Variants in GPC5 observed in about 807,000 individuals in gnomAD.
GPC5 encodes the protein glypican 5.
GPC5 carries 47 observed loss-of-function variants against 53.9 expected under a neutral mutation model. The ratio of observed to expected loss-of-function variants is 0.87; its 90% CI spans 0.69 to 1.11. The LOEUF (loss-of-function observed/expected upper bound fraction) is 1.11, where lower values mean the gene tolerates loss of function less well. Ranked by LOEUF, GPC5 falls within the 50% of genes most tolerant of loss-of-function variation. GPC5 has a pLI of 0.00. For synonymous variants in GPC5, 286 were observed against 263.3 expected (o/e 1.09, Z -0.84); for missense variants, 748 against 713.1 (o/e 1.05, Z -0.56).
In GPC5 at chr13:91,777,725, AT is replaced by A. The variant is rs35187283; in HGVS notation, c.1280+21314del. Among the ~76,000 whole-genome samples the A allele has an allele frequency of 1.5e-3, 225 of 151,364 alleles. 1 individual carries two copies. The Middle Eastern group carries it at 0.037, about 25-fold the overall frequency. ...CCTTAGATAGGAACCTGAAAACTCA[AT>A]TTTTTTTTCATTTAATCCCTGAACC... On this transcript the variant is annotated intron_variant, in intron 5 of 7. Transcript: ENST00000377067.
chr13:91,750,075 T>C (rs1451647437), intron 4 of GPC5, among the ~76,000 whole-genome samples: 2 of 152,190 alleles, frequency 1.3e-5, no homozygotes, highest in African/African-American at 4.8e-5. Flanking sequence ...TCTCCCAAAG[T>C]GCTGGGATTG....
intron 7 of GPC5, among the ~76,000 whole-genome samples, chr13:92,720,694 G>A (rs1409176350): frequency 1.3e-5 from 2 of 152,012 alleles, no homozygotes; most frequent in African/African-American, 4.8e-5. Context: ...TTATTCTTAT[G>A]ACAAATGTGG....
intron 7 of GPC5, among the ~76,000 whole-genome samples, chr13:92,815,822 G>C (rs549839140): frequency 6.6e-6 from 1 of 151,994 alleles, no homozygotes; most frequent in South Asian, 2.1e-4. Flanking sequence ...TCACTTCAAG[G>C]CTTGGAACCG....
intron 2 of GPC5, among the ~76,000 whole-genome samples, chr13:91,623,746 A>G: frequency 6.6e-6 from 1 of 152,136 alleles, no homozygotes; most frequent in East Asian, 1.9e-4. Context: ...CATAGGACCA[A>G]TATAGAGGGA....
chr13:91,515,290 A>G (rs1191978607), intron 2 of GPC5, among the ~76,000 whole-genome samples: 2 of 152,236 alleles, frequency 1.3e-5, no homozygotes, highest in African/African-American at 4.8e-5. Context: ...AATTGAGATT[A>G]ACAATAGATG....
At chr13:91,428,833 A>G (rs1338873619) in intron 1 of GPC5, among the ~76,000 whole-genome samples, 3 of 152,078 alleles carry the variant, frequency 2.0e-5, no homozygotes, top group Non-Finnish European at 4.4e-5. Context: ...ATAGCATACC[A>G]CTTTCAAGTT....
intron 7 of GPC5, among the ~76,000 whole-genome samples, chr13:92,519,216 C>T (rs1487557907): frequency 6.6e-6 from 1 of 152,096 alleles, no homozygotes; most frequent in Non-Finnish European, 1.5e-5. Flanking sequence ...TTAGACAGAT[C>T]AATGAGACAG....
intron 7 of GPC5, among the ~76,000 whole-genome samples, chr13:92,236,074 ATATT>A (rs1359966466): frequency 6.6e-6 from 1 of 152,024 alleles, no homozygotes; most frequent in Non-Finnish European, 1.5e-5. Context: ...AAATAAGGTA[ATATT>A]TATTTTAGTT....
chr13:92,085,895 T>A (rs2041331712), intron 6 of GPC5, among the ~76,000 whole-genome samples: 1 of 152,176 alleles, frequency 6.6e-6, no homozygotes, highest in Non-Finnish European at 1.5e-5. Context: ...CAGCCATAAA[T>A]ACAGATGAAG....
chr13:91,677,832 T>C (rs938664410), intron 2 of GPC5, among the ~76,000 whole-genome samples: 1 of 152,212 alleles, frequency 6.6e-6, no homozygotes, highest in Non-Finnish European at 1.5e-5. Flanking sequence ...CTAGTGCATT[T>C]AAAAAGGGCT....
At chr13:91,714,196 T>C (rs2036285953) in intron 3 of GPC5, among the ~76,000 whole-genome samples, 1 of 152,228 alleles carries the variant, frequency 6.6e-6, no homozygotes, top group African/African-American at 2.4e-5. Flanking sequence ...AGTTATTTTA[T>C]AGACTTTAAC....
intron 7 of GPC5, among the ~76,000 whole-genome samples, chr13:92,741,828 C>A (rs1197538004): frequency 6.6e-6 from 1 of 152,070 alleles, no homozygotes; most frequent in Non-Finnish European, 1.5e-5. Flanking sequence ...TGAGTAAGAA[C>A]ACGCGGTGTT....
chr13:92,111,442 T>C (rs1012396506), intron 6 of GPC5, among the ~76,000 whole-genome samples: 26 of 152,276 alleles, frequency 1.7e-4, no homozygotes, highest in African/African-American at 6.3e-4. Context: ...TCCAGGCACA[T>C]TGCTGCTGCA....
intron 7 of GPC5, among the ~76,000 whole-genome samples, chr13:92,384,271 C>T (rs1432005814): frequency 6.6e-6 from 1 of 151,892 alleles, no homozygotes; most frequent in African/African-American, 2.4e-5. Context: ...GCATTTGTGC[C>T]CAGTTTGTAA....
At chr13:92,052,434 C>T (rs978719540) in intron 6 of GPC5, among the ~76,000 whole-genome samples, 8 of 152,130 alleles carry the variant, frequency 5.3e-5, no homozygotes, top group Non-Finnish European at 1.2e-4. Flanking sequence ...GGAAGGGAAC[C>T]CGAGCGGGTT....
intron 3 of GPC5, among the ~76,000 whole-genome samples, chr13:91,697,567 T>A (rs991136997): frequency 6.6e-6 from 1 of 152,158 alleles, no homozygotes; most frequent in Non-Finnish European, 1.5e-5. Context: ...TGAGAAAAAA[T>A]TGATATTTTC....
intron 3 of GPC5, among the ~76,000 whole-genome samples, chr13:91,720,960 C>T (rs1275226339): frequency 6.6e-6 from 1 of 151,370 alleles, no homozygotes; most frequent in East Asian, 1.9e-4. Context: ...TCCTCATAGA[C>T]CACCCTTAGC....
At chr13:91,500,284 A>G (rs748691477) in intron 2 of GPC5, among the ~76,000 whole-genome samples, 3 of 152,184 alleles carry the variant, frequency 2.0e-5, no homozygotes, top group Non-Finnish European at 4.4e-5. Flanking sequence ...TAGTCAATTG[A>G]TATTTGATGA....
At chr13:91,588,940 C>T (rs1460349028) in intron 2 of GPC5, among the ~76,000 whole-genome samples, 6 of 152,126 alleles carry the variant, frequency 3.9e-5, no homozygotes, top group Non-Finnish European at 8.8e-5. Flanking sequence ...ATTTTACCAA[C>T]TTTCCCTTTA....
Sources: allele counts gnomAD v4.1 joint callset (sites outside exome capture counted in the v4.1 genomes callset), GRCh38; gene constraint gnomAD v4.1.1; transcripts MANE v1.5; gene names NCBI Gene and HGNC (gene_info 2026-07-23, HGNC 2026-07-21).